The following DGKH variants were observed in gnomAD, a reference collection of about 807,000 sequenced individuals.
DGKH encodes diacylglycerol kinase eta.
Under a neutral mutation model 159.3 loss-of-function variants are expected in DGKH, and 90 were observed. The observed-to-expected ratio is 0.57, with a 90% CI of 0.48 to 0.67. The LOEUF (loss-of-function observed/expected upper bound fraction) is 0.67. Ranked by LOEUF, DGKH falls within the 30% of genes least tolerant of loss-of-function variation. The pLI is 0.00. For missense variants in DGKH, 1,181 were observed against 1,506.1 expected (o/e 0.78, Z 3.57); for synonymous variants, 536 against 553.8 (o/e 0.97, Z 0.45).
intron 1 of DGKH, among the ~76,000 whole-genome samples, chr13:42,049,631 C>T (rs1421863169): frequency 2.0e-5 from 3 of 152,200 alleles, no homozygotes; most frequent in Non-Finnish European, 4.4e-5. Context: ...CAAGGGCTGG[C>T]CAGGCTTTCG....
chr13:42,176,335 T>C (rs998058528), intron 12 of DGKH, among the ~76,000 whole-genome samples: 2 of 152,306 alleles, frequency 1.3e-5, no homozygotes, highest in Admixed American at 6.5e-5. Flanking sequence ...ACATTTTCTT[T>C]TTTCAAATTT....
At position 42,140,188 on chromosome 13, in the gene DGKH, G is replaced by A. The variant is rs1955507910; in HGVS notation, c.384+10556G>A. Reference sequence around the variant, plus strand: ...TTTTATGAAGCTGATTTCCTAGGTGGCCTTTAGCCTTTGGCACCTTGTGGA... The same window carrying A: ...TTTTATGAAGCTGATTTCCTAGGTGACCTTTAGCCTTTGGCACCTTGTGGA... On this transcript the variant is annotated intron_variant, in intron 3 of 29. Coordinates refer to ENST00000337343, the MANE Select transcript of DGKH (RefSeq NM_178009.5). Among the ~76,000 whole-genome samples, 7 of 152,180 alleles carry A rather than the reference G, an allele frequency of 4.6e-5. No homozygotes were observed. The South Asian group carries it at 1.4e-3, about 32-fold the overall frequency.
At chr13:42,083,783 T>C (rs1258556807) in intron 1 of DGKH, among the ~76,000 whole-genome samples, 3 of 152,052 alleles carry the variant, frequency 2.0e-5, no homozygotes, top group Non-Finnish European at 4.4e-5. Context: ...TAAAGAAATA[T>C]TGAAAAAATG....
At chr13:42,133,457 G>C (rs1955333925) in intron 3 of DGKH, among the ~76,000 whole-genome samples, 1 of 152,046 alleles carries the variant, frequency 6.6e-6, no homozygotes, top group Non-Finnish European at 1.5e-5. Context: ...ATTTTGGGAG[G>C]CTGGTGGTAG....
rs1002917412 is a variant in DGKH at position 42,234,234 on chromosome 13, C to T, written c.*5046C>T. 1 of 152,114 alleles carries T rather than the reference C, an allele frequency of 6.6e-6. No individual in the cohort carries two copies. The highest frequency in any genetic ancestry group is 2.4e-5 in the African/African-American group (1 of 41,404). The allele number at this position is 152,114 out of a possible 1,614,324, so 9.4% of individuals were successfully genotyped here. ...ATATAATGTACCAAAACACAATTGC[C>T]TAGAGATGCTTTAGCTAATTTTTAT... On this transcript the variant is annotated 3_prime_UTR_variant, in exon 30 of 30. Coordinates refer to ENST00000337343, the MANE Select transcript of DGKH (RefSeq NM_178009.5).
chr13:42,045,059 A>G (rs1339221783), upstream of DGKH, among the ~76,000 whole-genome samples: 1 of 152,174 alleles, frequency 6.6e-6, no homozygotes, highest in Non-Finnish European at 1.5e-5. Flanking sequence ...TGGGAGGCCG[A>G]AGTGGGAGGA....
chr13:42,070,923 C>G, intron 1 of DGKH: 1 of 1,279,322 alleles, frequency 7.8e-7, no homozygotes, highest in South Asian at 1.2e-5. Flanking sequence ...GTTTGACACT[C>G]TGGGGATTGG....
intron 24 of DGKH, among the ~76,000 whole-genome samples, chr13:42,212,543 A>T (rs1957681924): frequency 6.6e-6 from 1 of 152,192 alleles, no homozygotes; most frequent in African/African-American, 2.4e-5. Context: ...CCTGTGAACC[A>T]ACCAAATAAT....
At position 42,159,263 on chromosome 13, in the gene DGKH, T is replaced by TTTTTTTTTTTTTTTTTTTTTTTTTTTTG; in HGVS notation, c.623-3_623-2insTTTTTTTTTTTTTTTTTTTTTTTTTTTG. ...GTTGCTCTTTTTTTTTTTTTTTTTT[T>TTTTTTTTTTTTTTTTTTTTTTTTTTTTG]AGTGTGTAAATTCAAGGCTCACAAA... On this transcript the variant is annotated splice_polypyrimidine_tract_variant and splice_region_variant and intron_variant, in intron 5 of 29. Transcript: ENST00000337343. The TTTTTTTTTTTTTTTTTTTTTTTTTTTTG allele has an allele frequency of 8.0e-7, 1 of 1,249,720 alleles. No individual in the cohort carries two copies. Among genetic ancestry groups the TTTTTTTTTTTTTTTTTTTTTTTTTTTTG allele is most frequent in the Non-Finnish European group, 1.1e-6 (1 of 894,574 alleles). The allele number at this position is 1,249,720 out of a possible 1,614,324, so 77.4% of individuals were successfully genotyped here.
At chr13:42,061,988 G>GGTGT (rs60863220) in intron 1 of DGKH, among the ~76,000 whole-genome samples, 7,588 of 149,766 alleles carry the variant, frequency 0.051, 580 homozygotes, top group African/African-American at 0.17. Context: ...TGTGTGTGTG[G>GGTGT]GTGTGTGTGT....
Position 42,048,985 on chromosome 13 carries a change from C to T in DGKH, c.192+20C>T. 7.9e-6 allele frequency: 10 copies of T among 1,270,712 alleles called. No individual in the cohort carries two copies. The highest frequency in any genetic ancestry group is 1.0e-5 in the Non-Finnish European group (10 of 1,000,392). The allele number at this position is 1,270,712 out of a possible 1,614,324, so 78.7% of individuals were successfully genotyped here. On this transcript the variant is annotated intron_variant, in intron 1 of 29. Transcript: ENST00000337343. The surrounding 1 kb of genome is among the most constrained non-coding windows in gnomAD (Gnocchi z 6.7). ...ACCAAGGTAGGGCGGAGGAGGCGGGCCTGAGGGCCGCGTGGAAAGCGGGAG... is the reference window on the plus strand; with the variant it reads ...ACCAAGGTAGGGCGGAGGAGGCGGGTCTGAGGGCCGCGTGGAAAGCGGGAG...
chr13:42,146,551 A>G (rs937776190), intron 3 of DGKH, among the ~76,000 whole-genome samples: 11 of 152,250 alleles, frequency 7.2e-5, no homozygotes, highest in South Asian at 2.1e-4. Flanking sequence ...ATTGTGAAAT[A>G]TATCATGCAA....
intron 30 of DGKH, chr13:42,255,954 A>G (rs1034415929): frequency 6.2e-6 from 10 of 1,608,194 alleles, no homozygotes; most frequent in Admixed American, 3.4e-5. Context: ...CTGGCTGCTC[A>G]TGACGCTCTG....
chr13:42,157,113 A>C (rs1295548942), intron 5 of DGKH, among the ~76,000 whole-genome samples: 1 of 152,206 alleles, frequency 6.6e-6, no homozygotes, highest in African/African-American at 2.4e-5. Flanking sequence ...ATTAAAATTC[A>C]TGAAGGAGAA....
At chr13:42,040,854 C>G (rs1343830576) in intron 1 of DGKH, among the ~76,000 whole-genome samples, 1 of 146,684 alleles carries the variant, frequency 6.8e-6, no homozygotes, top group Non-Finnish European at 1.5e-5. Context: ...TCTGCGCGCC[C>G]GGGCGGCCGG....
chr13:42,104,164 A>C (rs750389788), intron 1 of DGKH, among the ~76,000 whole-genome samples: 8 of 152,170 alleles, frequency 5.3e-5, no homozygotes, highest in Non-Finnish European at 1.2e-4. Context: ...GAACAAAGAC[A>C]TTTCTCTCTT....
chr13:42,192,117 T>G (rs954864225), intron 16 of DGKH, among the ~76,000 whole-genome samples: 1 of 152,202 alleles, frequency 6.6e-6, no homozygotes, highest in African/African-American at 2.4e-5. Context: ...TTATTGCTAC[T>G]ACTGCTGCTG....
chr13:42,097,054 T>C (rs75334191), intron 1 of DGKH, among the ~76,000 whole-genome samples: 4,222 of 152,308 alleles, frequency 0.028, 96 homozygotes, highest in Non-Finnish European at 0.043. Flanking sequence ...CTTTGTATAA[T>C]AGCTTTTCCC....
chr13:42,069,440 G>A (rs1882809620), intron 1 of DGKH: 4 of 1,550,072 alleles, frequency 2.6e-6, no homozygotes, highest in African/African-American at 2.7e-5. Flanking sequence ...TATTCAAGTC[G>A]ATTTAATTTA....
Sources: gnomAD v4.1 joint callset for allele counts (sites outside exome capture counted in the v4.1 genomes callset) on GRCh38, gnomAD v4.1.1 for gene constraint, Gnocchi (gnomAD v3.1) non-coding constraint, MANE v1.5 for transcripts, NCBI Gene and HGNC (gene_info 2026-07-23, HGNC 2026-07-21) for gene names.